Variants in PIEZO2 observed in about 807,000 individuals in gnomAD.
PIEZO2 encodes the protein piezo-type mechanosensitive ion channel component 2.
In PIEZO2, 172 loss-of-function variants were observed where a neutral mutation model predicts 337.3. That is an observed-to-expected ratio of 0.51 (90% CI 0.45 to 0.58). The LOEUF is 0.58. Among genes scored for constraint, PIEZO2 ranks in the 20% least tolerant of loss-of-function variants. The pLI, the probability that PIEZO2 is intolerant of heterozygous loss-of-function variation, is 0.00. For synonymous variants in PIEZO2, 1,251 were observed against 1,228.5 expected (o/e 1.02, Z -0.38); for missense variants, 3,028 against 3,391.3 (o/e 0.89, Z 2.66).
At chr18:10,984,597 G>A (rs985976388) in intron 2 of PIEZO2, among the ~76,000 whole-genome samples, 1 of 152,018 alleles carries the variant, frequency 6.6e-6, no homozygotes, top group Non-Finnish European at 1.5e-5. Flanking sequence ...GGACTTACAG[G>A]ACACTATCAA....
intron 7 of PIEZO2, among the ~76,000 whole-genome samples, chr18:10,848,924 C>T (rs1345535078): frequency 6.6e-6 from 1 of 152,204 alleles, no homozygotes; most frequent in Non-Finnish European, 1.5e-5. Context: ...GAACTTTAAA[C>T]TGAATTATCC....
intron 45 of PIEZO2, among the ~76,000 whole-genome samples, chr18:10,696,893 C>A (rs1328431146): frequency 6.6e-6 from 1 of 152,124 alleles, no homozygotes; most frequent in Non-Finnish European, 1.5e-5. Flanking sequence ...TGCTATGTAA[C>A]CTCTGTGTTT....
chr18:11,045,508 C>G (rs1473630763), intron 2 of PIEZO2, among the ~76,000 whole-genome samples: 1 of 152,016 alleles, frequency 6.6e-6, no homozygotes, highest in African/African-American at 2.4e-5. Context: ...CATTTTAAAC[C>G]GTGAAATCAC....
chr18:10,873,523 C>T (rs1018594699), intron 4 of PIEZO2, among the ~76,000 whole-genome samples: 4 of 152,006 alleles, frequency 2.6e-5, no homozygotes, highest in African/African-American at 9.7e-5. Context: ...CATTATTTAC[C>T]TACTGTTTGC....
rs1272344567 is a variant in PIEZO2 at position 10,819,827 on chromosome 18, C to A, written c.918-12553G>T. 6.6e-6 allele frequency among the ~76,000 whole-genome samples: 1 copy of A among 152,198 alleles called. No homozygotes were observed. The highest frequency in any genetic ancestry group is 1.9e-4 in the East Asian group (1 of 5,192). On this transcript the variant is annotated intron_variant, in intron 7 of 55. Coordinates refer to ENST00000674853, the MANE Select transcript of PIEZO2 (RefSeq NM_001378183.1). The surrounding 1 kb of genome is among the most constrained non-coding windows in gnomAD (Gnocchi z 4.3). ...AATCATTTTCCTTAAGTCTGAAGAGCATCCTCTAATATTTGTGTAGTGCAG... is the reference window on the plus strand; with the variant it reads ...AATCATTTTCCTTAAGTCTGAAGAGAATCCTCTAATATTTGTGTAGTGCAG...
rs1175050439 is a variant in PIEZO2 at position 10,856,675 on chromosome 18, G to C, written c.703+326C>G. On this transcript the variant is annotated intron_variant, in intron 6 of 55. Transcript: ENST00000674853. The surrounding 1 kb of genome is among the most constrained non-coding windows in gnomAD (Gnocchi z 4.7). ...GATGGGTGCATGCACATTGTTAATTGCAGCAGGTCACCATTCCAAAGCTCT... is the reference window on the plus strand; with the variant it reads ...GATGGGTGCATGCACATTGTTAATTCCAGCAGGTCACCATTCCAAAGCTCT... Among the ~76,000 whole-genome samples, 1 of 152,164 alleles carries C rather than the reference G, an allele frequency of 6.6e-6. No individual in the cohort carries two copies. Among genetic ancestry groups the C allele is most frequent in the Non-Finnish European group, 1.5e-5 (1 of 68,026 alleles).
At chr18:11,124,025 A>G (rs1290080449) in intron 1 of PIEZO2, among the ~76,000 whole-genome samples, 1 of 152,230 alleles carries the variant, frequency 6.6e-6, no homozygotes, top group Non-Finnish European at 1.5e-5. Flanking sequence ...ATCATGTTGC[A>G]CACCAAAAAC....
chr18:11,097,158 G>A lies in PIEZO2; in HGVS notation c.65-30936C>T, dbSNP rs1324954692. On this transcript the variant is annotated intron_variant, in intron 1 of 55. Coordinates refer to ENST00000674853, the MANE Select transcript of PIEZO2 (RefSeq NM_001378183.1). This position sits in a 1 kb window ranked among gnomAD's most constrained non-coding sequence, Gnocchi z 5.0. ...AGGTGTCTGCAAACTACATCCCTCC[G>A]GCTAAATCCCGCCCCACAAACTAAG... 1.3e-5 allele frequency among the ~76,000 whole-genome samples: 2 copies of A among 151,782 alleles called. No individual in the cohort carries two copies. The highest frequency in any genetic ancestry group is 1.9e-4 in the East Asian group (1 of 5,184).
chr18:10,921,105 G>C (rs560153636), intron 3 of PIEZO2, among the ~76,000 whole-genome samples: 1 of 152,058 alleles, frequency 6.6e-6, no homozygotes, highest in Non-Finnish European at 1.5e-5. Flanking sequence ...TAAGAAAGAG[G>C]GAGTCAAATC....
In PIEZO2 at chr18:10,914,685, A is replaced by AT. The variant is rs904986076; in HGVS notation, c.287-3458dup. Among the ~76,000 whole-genome samples the AT allele has an allele frequency of 2.6e-5, 4 of 152,180 alleles. No homozygotes were observed. In the East Asian group the frequency reaches 5.8e-4, roughly 22 times the overall value. On this transcript the variant is annotated intron_variant, in intron 3 of 55. Transcript: ENST00000674853. ...GGGCCAACTGTAATTCATAGAAGGG[A>AT]TTTTTTCCTTTCAAATCTTAGATGA...
At chr18:10,739,779 TTGTTGTAA>T (rs1282693331) in intron 33 of PIEZO2, 1 of 152,268 alleles carries the variant, frequency 6.6e-6, no homozygotes, top group Non-Finnish European at 1.5e-5. Flanking sequence ...TTTTCTTTTT[TTGTTGTAA>T]TGTTGAAATT....
intron 3 of PIEZO2, among the ~76,000 whole-genome samples, chr18:10,956,646 T>C (rs555017769): frequency 3.5e-4 from 54 of 152,348 alleles, no homozygotes; most frequent in African/African-American, 1.2e-3. Context: ...TATAAAGTGA[T>C]TGTAATCAAA....
intron 42 of PIEZO2, 116 bp from the exon 43 acceptor site, chr18:10,702,287 T>A: frequency 1.0e-6 from 1 of 980,056 alleles, no homozygotes; most frequent in Non-Finnish European, 1.5e-6. Context: ...ACAGTTTTGA[T>A]GGTAGGCAGG....
chr18:10,792,565 C>T (rs1408924194), intron 13 of PIEZO2, among the ~76,000 whole-genome samples: 1 of 152,154 alleles, frequency 6.6e-6, no homozygotes, highest in East Asian at 1.9e-4. Context: ...TTTTACTTAG[C>T]ATAATGTTTT....
intron 3 of PIEZO2, among the ~76,000 whole-genome samples, chr18:10,974,277 C>A (rs1422896878): frequency 6.6e-6 from 1 of 152,162 alleles, no homozygotes. Flanking sequence ...ATCCTAATTT[C>A]TTGGTTGGTG....
intron 35 of PIEZO2, among the ~76,000 whole-genome samples, chr18:10,733,229 T>C (rs532946207): frequency 6.6e-6 from 1 of 152,240 alleles, no homozygotes. Context: ...GCCATGAGAA[T>C]TGAGGTATGC....
At chr18:10,728,694 G>A (rs2036635198) in intron 36 of PIEZO2, among the ~76,000 whole-genome samples, 1 of 151,872 alleles carries the variant, frequency 6.6e-6, no homozygotes, top group Admixed American at 6.6e-5. Flanking sequence ...AGTGACTCAC[G>A]CCTGTAATCC....
rs1319300870 is a variant in PIEZO2 at position 10,861,468 on chromosome 18, AAAG to A, written c.493-4260_493-4258del. Among the ~76,000 whole-genome samples, 2 of 152,396 alleles carry A rather than the reference AAAG, an allele frequency of 1.3e-5. No homozygotes were observed. The highest frequency in any genetic ancestry group is 2.1e-4 in the South Asian group (1 of 4,834). ...TATTTGCAACAACATGCATAAATCT[AAAG>A]AAGAATATGCTAATTGAAATAAGCC... On this transcript the variant is annotated intron_variant, in intron 5 of 55. Coordinates refer to ENST00000674853, the MANE Select transcript of PIEZO2 (RefSeq NM_001378183.1). The surrounding 1 kb of genome is among the most constrained non-coding windows in gnomAD (Gnocchi z 4.3).
At position 10,980,188 on chromosome 18, in the gene PIEZO2, T is replaced by C. The variant is rs2034612786; in HGVS notation, c.161-528A>G. Among the ~76,000 whole-genome samples the C allele has an allele frequency of 6.6e-6, 1 of 152,002 alleles. No homozygotes were observed. Among genetic ancestry groups the C allele is most frequent in the Admixed American group, 6.6e-5 (1 of 15,248 alleles). On this transcript the variant is annotated intron_variant, in intron 2 of 55. Coordinates refer to ENST00000674853, the MANE Select transcript of PIEZO2 (RefSeq NM_001378183.1). The surrounding 1 kb of genome is among the most constrained non-coding windows in gnomAD (Gnocchi z 4.8). ...ACCAACTGAAATAGCATAGAAAAAA[T>C]ATAATACATAGGTTAAGGTTTATTA... is the stretch of plus-strand genomic sequence containing the variant.
Sources: allele counts gnomAD v4.1 joint callset (sites outside exome capture counted in the v4.1 genomes callset), GRCh38; gene constraint gnomAD v4.1.1; non-coding constraint Gnocchi (gnomAD v3.1); transcripts MANE v1.5; gene names NCBI Gene and HGNC (gene_info 2026-07-23, HGNC 2026-07-21).